Variants in MFSD12 observed in about 807,000 individuals in gnomAD.
The protein encoded by MFSD12 is major facilitator superfamily domain containing 12, also known as major facilitator superfamily domain-containing protein 12.
MFSD12 carries 67 observed loss-of-function variants against 51.2 expected under a neutral mutation model. That is an observed-to-expected ratio of 1.31 (90% confidence interval 1.08 to 1.60). MFSD12 has a LOEUF of 1.60. Ranked by LOEUF, MFSD12 falls within the 40% of genes most tolerant of loss-of-function variation. The probability of loss-of-function intolerance (pLI) is 0.00; values close to 1 mark genes in which losing one functional copy is unlikely to be tolerated. For missense variants in MFSD12, 921 were observed against 673.0 expected (o/e 1.37, Z -4.08); for synonymous variants, 441 against 316.7 (o/e 1.39, Z -4.17).
chr19:3,546,996 G>A (rs376982765), intron 6 of MFSD12, among the ~76,000 whole-genome samples: 6 of 152,268 alleles, frequency 3.9e-5, no homozygotes, highest in East Asian at 1.9e-4. Context: ...ACCAACGCCC[G>A]GCTAATTTTG....
Position 3,547,354 on chromosome 19 carries a change from G to A in MFSD12, c.941C>T (p.Ala314Val), listed in dbSNP as rs768258732. ...GAGGTACATCACCAGGGGAATGGTC[G>A]CGATGAACTTCTGCGGAGGCAGAGC... ...YSLHLPKKFI[A>V]TIPLVMYLSG... Residue 314 changes from alanine (A) to valine (V), a missense_variant, in exon 6 of 10, where the codon GCG becomes GTG. Ala to Val is a moderately conservative substitution (Grantham distance 64). Transcript: ENST00000355415. 8 of 1,613,218 alleles carry A rather than the reference G, an allele frequency of 5.0e-6. No homozygotes were observed. The highest frequency in any genetic ancestry group is 2.2e-5 in the East Asian group (1 of 44,886).
chr19:3,548,943 T>TA (rs1385268231), intron 2 of MFSD12, among the ~76,000 whole-genome samples: 1 of 151,984 alleles, frequency 6.6e-6, no homozygotes, highest in African/African-American at 2.4e-5. Flanking sequence ...GAGGAGCTGG[T>TA]GATACACAGG....
chr19:3,554,606 T>C (rs1403912827), intron 1 of MFSD12, among the ~76,000 whole-genome samples: 1 of 152,248 alleles, frequency 6.6e-6, no homozygotes, highest in African/African-American at 2.4e-5. Flanking sequence ...CACAGCTGTT[T>C]CTGCTACTTG....
In MFSD12 at chr19:3,547,440, C is replaced by G. The variant is rs200608079; in HGVS notation, c.930+15G>C. ...GGGCCGTCCCATCCCAGCGTCCCCG[C>G]CCCAATCTGCTCACCTTGGGCAGGT... On this transcript the variant is annotated intron_variant, in intron 5 of 9. Coordinates refer to ENST00000355415, the MANE Select transcript of MFSD12 (RefSeq NM_174983.5). 5 of 1,612,640 alleles carry G rather than the reference C, an allele frequency of 3.1e-6. No individual in the cohort carries two copies. In the South Asian group the frequency reaches 5.5e-5, roughly 18 times the overall value.
rs555350058 is a variant in MFSD12, at chr19:3,545,211, G to A, written c.1290-272C>T. Among the ~76,000 whole-genome samples, 16 of 152,192 alleles carry A rather than the reference G, an allele frequency of 1.1e-4. No homozygotes were observed. In the South Asian group the frequency reaches 1.7e-3, roughly 16 times the overall value. ...AGCATGGCCCGCCTGCACCCGCCCC[G>A]GTCCCAGGCTGCAACTTCTCCCCCA... is the stretch of plus-strand genomic sequence containing the variant. On this transcript the variant is annotated intron_variant, in intron 8 of 9. Coordinates refer to ENST00000355415, the MANE Select transcript of MFSD12 (RefSeq NM_174983.5).
At position 3,557,240 on chromosome 19, in the gene MFSD12, G is replaced by A. The variant is rs913056015; in HGVS notation, c.164C>T (p.Ser55Phe). Residue 55 changes from serine (S) to phenylalanine (F), a missense_variant, in exon 1 of 10, where the codon TCC (serine) becomes TTC (phenylalanine). Transcript: ENST00000355415. ...CAGCAGCAGCAGCCCCGCGCCGCGG[G>A]AGCTGTAGGCGCGCACCGAGTGCAG... is the stretch of plus-strand genomic sequence containing the variant. ...LYLHSVRAYS[S>F]RGAGLLLLLG... 9 of 1,593,782 alleles carry A rather than the reference G, an allele frequency of 5.6e-6. No individual in the cohort carries two copies. Among genetic ancestry groups the A allele is most frequent in the Non-Finnish European group, 6.8e-6 (8 of 1,172,072 alleles).
chr19:3,557,070 G>C, intron 1 of MFSD12, 36 bp downstream of exon 1: 1 of 1,407,016 alleles, frequency 7.1e-7, no homozygotes, highest in Non-Finnish European at 9.2e-7. Flanking sequence ...AGTCTCGGAG[G>C]GGCTGCCCGA....
chr19:3,539,231 C>A (rs764017711), downstream of MFSD12: 1 of 1,550,574 alleles, frequency 6.4e-7, no homozygotes, highest in Non-Finnish European at 8.7e-7. Flanking sequence ...CGGGGACCCT[C>A]GAGGCCAGCT....
chr19:3,543,428 C>A, downstream of MFSD12: 1 of 1,546,822 alleles, frequency 6.5e-7, no homozygotes, highest in Non-Finnish European at 8.7e-7. Context: ...GGCCTACAAC[C>A]GCTGGCACAG....
At chr19:3,542,381 G>A, downstream of MFSD12, 1 of 985,436 alleles carries the variant, frequency 1.0e-6, no homozygotes, top group Non-Finnish European at 1.2e-6. Flanking sequence ...AACCCTGCTA[G>A]ACTGTCTTGG....
chr19:3,557,461 G>A lies in MFSD12; in HGVS notation c.-58C>T. On this transcript the variant is annotated 5_prime_UTR_variant, in exon 1 of 10. Coordinates refer to ENST00000355415, the MANE Select transcript of MFSD12 (RefSeq NM_174983.5). The stretch of plus-strand genomic sequence containing the variant: ...GCTCCGCGGAGGGTACCCTGGCCAG[G>A]CCTTCTTGGGTGCCGTGGGGGCAGG... 4 of 1,090,122 alleles carry A rather than the reference G, an allele frequency of 3.7e-6. No individual in the cohort carries two copies. Among genetic ancestry groups the A allele is most frequent in the Non-Finnish European group, 4.6e-6 (4 of 873,684 alleles). The allele number at this position is 1,090,122 out of a possible 1,614,324, so 67.5% of individuals were successfully genotyped here.
rs539109459 is a variant in MFSD12, at chr19:3,546,279, C to T, written c.1170G>A (p.Thr390=). 1.3e-5 allele frequency: 21 copies of T among 1,610,656 alleles called. No individual in the cohort carries two copies. The highest frequency in any genetic ancestry group is 4.5e-5 in the East Asian group (2 of 44,792). ...CCGTGTGGGGACCGATGAGGTCGGC[C>T]GTCATGGCCAGCGAGGTGACGAGGA... The part of the protein sequence containing the change: ...ATILVTSLAM[T]ADLIGPHTNS... The change falls in exon 7 of 10, where the codon ACG becomes ACA. Residue 390 remains threonine, a synonymous_variant. Coordinates refer to ENST00000355415, the MANE Select transcript of MFSD12 (RefSeq NM_174983.5).
chr19:3,548,278 G>T lies in MFSD12; in HGVS notation c.510-11C>A. 1 of 1,546,668 alleles carries T rather than the reference G, an allele frequency of 6.5e-7. No individual in the cohort carries two copies. The highest frequency in any genetic ancestry group is 8.7e-7 in the Non-Finnish European group (1 of 1,146,978). ...ACGGTGAACGCATACCTGGCGGGCA[G>T]GCGGGCAGGGACTCAACAAGACGCC... On this transcript the variant is annotated splice_polypyrimidine_tract_variant and intron_variant, in intron 2 of 9. Coordinates refer to ENST00000355415, the MANE Select transcript of MFSD12 (RefSeq NM_174983.5).
At chr19:3,547,068 G>T (rs1282384044) in intron 6 of MFSD12, among the ~76,000 whole-genome samples, 2 of 152,182 alleles carry the variant, frequency 1.3e-5, no homozygotes, top group African/African-American at 4.8e-5. Context: ...TCGATCTCCT[G>T]ACCTCGTGAT....
At chr19:3,543,868 G>T (rs201909647), downstream of MFSD12, 1 of 1,549,398 alleles carries the variant, frequency 6.5e-7, no homozygotes, top group East Asian at 2.4e-5. Context: ...CCACTGTGGA[G>T]GGCATCAGAC....
downstream of MFSD12, among the ~76,000 whole-genome samples, chr19:3,541,307 G>A (rs2030389609): frequency 6.6e-6 from 1 of 151,844 alleles, no homozygotes; most frequent in African/African-American, 2.4e-5. Flanking sequence ...CTGCATTCCA[G>A]CCTAGGTGAC....
chr19:3,549,107 T>C (rs1027490497), intron 2 of MFSD12, among the ~76,000 whole-genome samples: 4 of 152,192 alleles, frequency 2.6e-5, no homozygotes, highest in East Asian at 1.9e-4. Context: ...CTGAGATTCA[T>C]GTTAAGGGCC....
rs73920151 is a variant in MFSD12 at position 3,538,932 on chromosome 19, A to G, written c.*6-176T>C. ...AAGCCAGACCCCAGGTGGGGGGTGC[A>G]TAGAGCTGGGGGCTCAGGGCCACGG... On this transcript the variant is annotated intron_variant, in intron 4 of 4. Coordinates refer to the MFSD12 transcript ENST00000398558. 0.028 allele frequency: 18,422 copies of G among 657,026 alleles called. 2,323 individuals carry two copies. In the African/African-American group the frequency reaches 0.28, roughly 10 times the overall value. The allele number at this position is 657,026 out of a possible 1,614,324, so 40.7% of individuals were successfully genotyped here.
intron 8 of MFSD12, among the ~76,000 whole-genome samples, chr19:3,545,402 C>T (rs1295711842): frequency 6.6e-6 from 1 of 151,054 alleles, no homozygotes; most frequent in Admixed American, 6.5e-5. Context: ...GCCCTCCCCT[C>T]CTCCCTCTAC....
Sources: gnomAD v4.1 joint callset for allele counts (sites outside exome capture counted in the v4.1 genomes callset) on GRCh38, gnomAD v4.1.1 for gene constraint, MANE v1.5 for transcripts, NCBI Gene and HGNC (gene_info 2026-07-23, HGNC 2026-07-21) for gene names.